Variants in TRAK1 observed in about 807,000 individuals in gnomAD.
TRAK1 encodes trafficking kinesin-binding protein 1.
In TRAK1, 33 loss-of-function variants were observed where a neutral mutation model predicts 92.1. That is an observed-to-expected ratio of 0.36 (90% CI 0.27 to 0.48). TRAK1 has a LOEUF of 0.48. Among genes scored for constraint, TRAK1 ranks in the 20% least tolerant of loss-of-function variants. The pLI is 0.99. For synonymous variants in TRAK1, 521 were observed against 517.3 expected (o/e 1.01, Z -0.10); for missense variants, 1,123 against 1,257.9 (o/e 0.89, Z 1.62).
upstream of TRAK1, among the ~76,000 whole-genome samples, chr3:42,086,103 G>A (rs936913528): frequency 7.2e-5 from 11 of 152,198 alleles, no homozygotes; most frequent in African/African-American, 2.4e-4. Flanking sequence ...CACATGTGAT[G>A]TGTGTGCAGG....
At chr3:42,087,368 A>G (rs1171003455), upstream of TRAK1, 1 of 152,886 alleles carries the variant, frequency 6.5e-6, no homozygotes. Flanking sequence ...GCTCCCAGCT[A>G]CAGAGGGTAC....
At position 42,188,904 on chromosome 3, in the gene TRAK1, G is replaced by T. The variant is rs568015421; in HGVS notation, c.582-112G>T. ...CTGTCTTCCTGGGGTTGGGAGAGCC[G>T]TCTGGTGGGTCATTGTCCTTCCTGC... On this transcript the variant is annotated intron_variant, in intron 5 of 15. Transcript: ENST00000327628. 7 of 731,936 alleles carry T rather than the reference G, an allele frequency of 9.6e-6. No individual in the cohort carries two copies. The African/African-American group carries it at 1.0e-4, about 11-fold the overall frequency. The allele number at this position is 731,936 out of a possible 1,614,324, so 45.3% of individuals were successfully genotyped here.
chr3:42,078,757 A>AAC (rs1205428077), intron 1 of TRAK1, among the ~76,000 whole-genome samples: 4,041 of 116,948 alleles, frequency 0.035, 64 homozygotes, highest in Non-Finnish European at 0.049. Flanking sequence ...CATCTCAAAA[A>AAC]AAAAAAAAAA....
At chr3:42,193,713 G>C in intron 8 of TRAK1, 111 bp from the exon 9 acceptor site, 2 of 1,101,362 alleles carry the variant, frequency 1.8e-6, no homozygotes, top group South Asian at 2.5e-5. Context: ...TATAAGATGA[G>C]CATGTCCTTG....
At chr3:42,024,644 A>T (rs1243601106) in intron 1 of TRAK1, among the ~76,000 whole-genome samples, 1 of 152,238 alleles carries the variant, frequency 6.6e-6, no homozygotes, top group Non-Finnish European at 1.5e-5. Flanking sequence ...ATGATTGCCC[A>T]CTTTCAGCTA....
At chr3:42,160,296 G>C (rs1277690049) in intron 2 of TRAK1, 1 of 1,590,956 alleles carries the variant, frequency 6.3e-7, no homozygotes, top group African/African-American at 1.3e-5. Context: ...CTCTGGGTAG[G>C]GGGTCGGGGG....
At chr3:42,191,733 C>T (rs1043297403) in intron 7 of TRAK1, 97 bp downstream of exon 7, 22 of 1,335,646 alleles carry the variant, frequency 1.6e-5, no homozygotes, top group Admixed American at 2.3e-5. Context: ...CTCCTGCCAG[C>T]CTACGGCTCA....
intron 2 of TRAK1, among the ~76,000 whole-genome samples, chr3:42,153,515 C>G (rs1448585167): frequency 6.6e-6 from 1 of 152,208 alleles, no homozygotes; most frequent in Non-Finnish European, 1.5e-5. Context: ...TCACCTCCCC[C>G]TTTTATAACC....
At chr3:42,222,027 G>C (rs1477570828) in intron 15 of TRAK1, 1 of 151,368 alleles carries the variant, frequency 6.6e-6, no homozygotes, top group African/African-American at 2.4e-5. Flanking sequence ...AACCTTTCCT[G>C]CTTTTTAAGC....
chr3:42,219,427 C>T, intron 14 of TRAK1, 67 bp from the exon 15 acceptor site: 1 of 1,611,920 alleles, frequency 6.2e-7, no homozygotes. Context: ...GAGTGACATG[C>T]TGGATTTTAA....
chr3:42,024,094 G>A (rs918712255), intron 1 of TRAK1, among the ~76,000 whole-genome samples: 1 of 152,078 alleles, frequency 6.6e-6, no homozygotes, highest in Non-Finnish European at 1.5e-5. Flanking sequence ...AGGGCAGTGG[G>A]ACGTCTGGGC....
chr3:42,026,033 C>T (rs572697408), intron 1 of TRAK1, among the ~76,000 whole-genome samples: 3 of 151,578 alleles, frequency 2.0e-5, no homozygotes, highest in Admixed American at 6.6e-5. Flanking sequence ...CTTCTTTCTC[C>T]GTTTATCTTT....
At position 42,223,517 on chromosome 3, in the gene TRAK1, C is replaced by G. The variant is rs1198773573; in HGVS notation, c.2642C>G (p.Ala881Gly). The change falls in exon 16 of 16, where the codon GCA (alanine) becomes GGA (glycine). Residue 881 changes from alanine (A) to glycine (G), a missense_variant. Physicochemically the swap from Ala to Gly is moderately conservative, Grantham distance 60. Around this residue, in one of 3 missense-constraint regions of TRAK1, gnomAD observed 401 missense variants for 438.9 expected, o/e 0.91. Coordinates refer to ENST00000327628, the MANE Select transcript of TRAK1 (RefSeq NM_001042646.3). The surrounding 1 kb of genome is among the most constrained non-coding windows in gnomAD (Gnocchi z 6.1). ...CTCCTCTGTGGGCCCCCGGGGCCAG[C>G]ACCAGCCCTTGTTCCCAGAGGCCTG... ...GPLLCGPPGP[A>G]PALVPRGLVP... 1 of 1,613,756 alleles carries G rather than the reference C, an allele frequency of 6.2e-7. No individual in the cohort carries two copies. The highest frequency in any genetic ancestry group is 2.2e-5 in the East Asian group (1 of 44,864).
rs531534376 is a variant in TRAK1, at chr3:42,225,115, C to T, written c.*1378C>T. The T allele has an allele frequency of 4.6e-5, 7 of 152,308 alleles. No individual in the cohort carries two copies. Among genetic ancestry groups the T allele is most frequent in the East Asian group, 1.9e-4 (1 of 5,190 alleles). The allele number at this position is 152,308 out of a possible 1,614,324, so 9.4% of individuals were successfully genotyped here. On this transcript the variant is annotated 3_prime_UTR_variant, in exon 16 of 16. Transcript: ENST00000327628. ...CTGCCGTATTTTAAATAAACATTCT[C>T]GTTCCTTCCAGTTTCAGTCATAGTG...
In TRAK1 at chr3:42,153,091, C is replaced by CA. The variant is rs765596240; in HGVS notation, c.287-23714dup. On this transcript the variant is annotated intron_variant, in intron 2 of 15. Coordinates refer to ENST00000327628, the MANE Select transcript of TRAK1 (RefSeq NM_001042646.3). ...TAGTACTAGTTATTAAGGCCTTTAACAAAAAAAAATCTTTGAAAAGGCTAA... is the reference window on the plus strand; with the variant it reads ...TAGTACTAGTTATTAAGGCCTTTAACAAAAAAAAAATCTTTGAAAAGGCTAA... Among the ~76,000 whole-genome samples the CA allele has an allele frequency of 2.2e-3, 333 of 151,296 alleles. 4 individuals are homozygous for CA. Among genetic ancestry groups the CA allele is most frequent in the East Asian group, 1.2e-3 (6 of 5,150 alleles).
chr3:42,125,417 T>C lies in TRAK1; in HGVS notation c.92-3T>C, dbSNP rs909996084. On this transcript the variant is annotated splice_polypyrimidine_tract_variant and splice_region_variant and intron_variant, in intron 1 of 15. Transcript: ENST00000327628. Reference sequence around the variant, plus strand: ...TCTCATTTCTTGGTTGTCTTGTCTTTAGATGTGTGCAACAGCACCGATCTT... The same window carrying C: ...TCTCATTTCTTGGTTGTCTTGTCTTCAGATGTGTGCAACAGCACCGATCTT... 3 of 1,613,506 alleles carry C rather than the reference T, an allele frequency of 1.9e-6. No individual in the cohort carries two copies. Among genetic ancestry groups the C allele is most frequent in the Non-Finnish European group, 2.5e-6 (3 of 1,179,856 alleles).
chr3:42,105,163 A>C (rs1244831994), intron 1 of TRAK1, among the ~76,000 whole-genome samples: 1 of 152,138 alleles, frequency 6.6e-6, no homozygotes, highest in Non-Finnish European at 1.5e-5. Context: ...CATGTTGGTC[A>C]GGCTGGTCTC....
intron 1 of TRAK1, among the ~76,000 whole-genome samples, chr3:42,121,551 G>C (rs58280347): frequency 6.6e-6 from 1 of 152,114 alleles, no homozygotes; most frequent in Non-Finnish European, 1.5e-5. Flanking sequence ...GAGCCACTGC[G>C]CCTGGCCTCC....
intron 2 of TRAK1, among the ~76,000 whole-genome samples, chr3:42,158,278 A>G (rs1241105016): frequency 6.6e-6 from 1 of 152,164 alleles, no homozygotes; most frequent in Non-Finnish European, 1.5e-5. Context: ...TTTCCTTTAT[A>G]TACACTGTGG....
Sources: allele counts gnomAD v4.1 joint callset (sites outside exome capture counted in the v4.1 genomes callset), GRCh38; gene constraint gnomAD v4.1.1; regional missense constraint gnomAD v4.1.1; non-coding constraint Gnocchi (gnomAD v3.1); transcripts MANE v1.5; gene names NCBI Gene and HGNC (gene_info 2026-07-23, HGNC 2026-07-21).